Variants in NOL4 observed in about 807,000 individuals in gnomAD.
NOL4 encodes the protein nucleolar protein 4, also known as cancer/testis antigen 125.
NOL4 carries 17 observed loss-of-function variants against 75.9 expected under a neutral mutation model. The observed-to-expected ratio is 0.22, with a 90% CI of 0.15 to 0.34. The LOEUF (loss-of-function observed/expected upper bound fraction) is 0.34. NOL4 is among the 10% of genes least tolerant of loss of function. NOL4 has a pLI of 1.00. For missense variants in NOL4, 614 were observed against 793.5 expected, an observed-to-expected ratio of 0.77 and a Z score of 2.72; for synonymous variants, 292 against 289.9, an observed-to-expected ratio of 1.01 and a Z score of -0.07.
chr18:33,887,591 G>A (rs935928902), intron 9 of NOL4, among the ~76,000 whole-genome samples: 17 of 150,766 alleles, frequency 1.1e-4, no homozygotes, highest in Non-Finnish European at 8.9e-5. Flanking sequence ...CCTGACAGGC[G>A]CCAGTGTGTG....
intron 5 of NOL4, among the ~76,000 whole-genome samples, chr18:34,083,512 T>C (rs1451081347): frequency 6.6e-6 from 1 of 152,092 alleles, no homozygotes; most frequent in African/African-American, 2.4e-5. Flanking sequence ...AGATAAAATG[T>C]TAGGAACAAG....
chr18:34,222,394 T>C (rs2037382204), intron 1 of NOL4: 1 of 1,143,604 alleles, frequency 8.7e-7, no homozygotes, highest in South Asian at 3.1e-5. Flanking sequence ...ATCTCAACAG[T>C]CGCGGCAACG....
chr18:34,190,159 G>T (rs1399502839), intron 1 of NOL4, among the ~76,000 whole-genome samples: 1 of 151,606 alleles, frequency 6.6e-6, no homozygotes, highest in Non-Finnish European at 1.5e-5. Flanking sequence ...GTTTTGGCAG[G>T]AATTCAGATT....
intron 5 of NOL4, among the ~76,000 whole-genome samples, chr18:34,069,219 T>C (rs2077408452): frequency 6.6e-6 from 1 of 152,140 alleles, no homozygotes; most frequent in Admixed American, 6.5e-5. Flanking sequence ...CAAATGGAAA[T>C]TATGGAGTTG....
At chr18:33,880,281 G>A (rs2064182877) in intron 10 of NOL4, among the ~76,000 whole-genome samples, 1 of 148,480 alleles carries the variant, frequency 6.7e-6, no homozygotes, top group South Asian at 2.1e-4. Flanking sequence ...CTTTTTTATG[G>A]TGTTTTTGTC....
At chr18:33,854,633 T>C (rs1343248566) in intron 10 of NOL4, among the ~76,000 whole-genome samples, 1 of 151,824 alleles carries the variant, frequency 6.6e-6, no homozygotes, top group Admixed American at 6.6e-5. Flanking sequence ...TTAAGTTTTG[T>C]TTTTCTTTAT....
At chr18:34,063,739 T>G (rs2077156065) in intron 5 of NOL4, among the ~76,000 whole-genome samples, 1 of 152,036 alleles carries the variant, frequency 6.6e-6, no homozygotes, top group Non-Finnish European at 1.5e-5. Flanking sequence ...GAAACAAAAA[T>G]ATAAACAAAC....
intron 9 of NOL4, among the ~76,000 whole-genome samples, chr18:33,887,362 T>G (rs890280253): frequency 1.3e-5 from 2 of 151,304 alleles, no homozygotes; most frequent in African/African-American, 4.8e-5. Flanking sequence ...CAGATTATTA[T>G]TATATTTTAA....
rs899234423 is a variant in NOL4 at position 34,223,624 on chromosome 18, C to G, written c.-371G>C. Reference sequence around the variant, plus strand: ...CCATTCCTTGGTTTATTAAAAATCCCAATATTGAATTGGGGTGGTCCCTAG... The same window carrying G: ...CCATTCCTTGGTTTATTAAAAATCCGAATATTGAATTGGGGTGGTCCCTAG... On this transcript the variant is annotated 5_prime_UTR_variant, in exon 1 of 11. Transcript: ENST00000261592. The G allele has an allele frequency of 4.9e-6, 1 of 206,114 alleles. No individual in the cohort carries two copies. Among genetic ancestry groups the G allele is most frequent in the African/African-American group, 2.3e-5 (1 of 43,102 alleles). 12.8% of individuals were successfully genotyped at this position (206,114 alleles called of 1,614,324 possible). A position where few individuals can be genotyped will look rare whatever the true frequency, so the allele number is the denominator to read the frequency against.
chr18:33,922,549 G>T (rs1444052326), intron 9 of NOL4, among the ~76,000 whole-genome samples: 1 of 152,170 alleles, frequency 6.6e-6, no homozygotes, highest in African/African-American at 2.4e-5. Flanking sequence ...TCTGCAGGCT[G>T]TATTACAGAG....
At chr18:34,180,960 T>C (rs1378509449) in intron 1 of NOL4, among the ~76,000 whole-genome samples, 1 of 151,380 alleles carries the variant, frequency 6.6e-6, no homozygotes, top group Non-Finnish European at 1.5e-5. Flanking sequence ...AGATTATAGG[T>C]TGTAAGACAA....
chr18:33,935,237 G>A (rs2067981117), intron 9 of NOL4, among the ~76,000 whole-genome samples: 2 of 152,070 alleles, frequency 1.3e-5, no homozygotes, highest in Admixed American at 6.6e-5. Context: ...TGGTGCAAGA[G>A]GCAGAGCTTT....
chr18:34,049,707 A>T (rs1013756152), intron 5 of NOL4, among the ~76,000 whole-genome samples: 5 of 152,028 alleles, frequency 3.3e-5, no homozygotes, highest in Non-Finnish European at 5.9e-5. Flanking sequence ...CTATTCCTGC[A>T]TACCACCCTT....
chr18:34,148,223 C>A (rs549573765), intron 1 of NOL4, among the ~76,000 whole-genome samples: 1 of 152,016 alleles, frequency 6.6e-6, no homozygotes, highest in African/African-American at 2.4e-5. Context: ...TTCAGTTCTG[C>A]TCTGATCTTT....
chr18:34,061,049 C>T (rs189780033), intron 5 of NOL4, among the ~76,000 whole-genome samples: 7 of 152,206 alleles, frequency 4.6e-5, no homozygotes, highest in East Asian at 3.9e-4. Context: ...AAATGTCTGA[C>T]GCTGACACGC....
At chr18:34,109,548 G>T (rs2079482463) in intron 2 of NOL4, among the ~76,000 whole-genome samples, 1 of 151,372 alleles carries the variant, frequency 6.6e-6, no homozygotes, top group African/African-American at 2.4e-5. Flanking sequence ...TAATATTAAT[G>T]AATTAATTTT....
At chr18:34,046,616 ATATATATATATATATATATATG>A (rs1418333931) in intron 5 of NOL4, among the ~76,000 whole-genome samples, 3 of 116,368 alleles carry the variant, frequency 2.6e-5, no homozygotes, top group African/African-American at 8.8e-5. Context: ...ACATATATAT[ATATATATATATATATATATATG>A]TATATGTACT....
At chr18:34,042,919 T>C (rs2144827011) in intron 5 of NOL4, among the ~76,000 whole-genome samples, 1 of 152,202 alleles carries the variant, frequency 6.6e-6, no homozygotes, top group Non-Finnish European at 1.5e-5. Context: ...CAGAAAAACA[T>C]ATAATCAGAA....
intron 6 of NOL4, among the ~76,000 whole-genome samples, chr18:34,012,299 T>C (rs2074418250): frequency 6.6e-6 from 1 of 151,894 alleles, no homozygotes; most frequent in African/African-American, 2.4e-5. Context: ...GTAATGTGGG[T>C]ATTTATTCAT....
Sources: gnomAD v4.1 joint callset for allele counts (sites outside exome capture counted in the v4.1 genomes callset) on GRCh38, gnomAD v4.1.1 for gene constraint, MANE v1.5 for transcripts, NCBI Gene and HGNC (gene_info 2026-07-23, HGNC 2026-07-21) for gene names.